TESK2: variants seen among roughly 807,000 people sequenced by gnomAD.
TESK2 encodes testis associated actin remodelling kinase 2, also known as dual specificity testis-specific protein kinase 2.
TESK2 carries 39 observed loss-of-function variants against 57.1 expected under a neutral mutation model. The ratio of observed to expected loss-of-function variants is 0.68; its 90% confidence interval spans 0.53 to 0.89. TESK2 has a LOEUF of 0.89. Among genes scored for constraint, TESK2 ranks in the 40% least tolerant of loss-of-function variants. The pLI is 0.00. For synonymous variants in TESK2, 249 were observed against 267.9 expected (o/e 0.93, Z 0.69); for missense variants, 646 against 732.1 (o/e 0.88, Z 1.36).
intron 3 of TESK2, among the ~76,000 whole-genome samples, chr1:45,414,843 T>C (rs1047025923): frequency 6.6e-6 from 1 of 152,218 alleles, no homozygotes; most frequent in Non-Finnish European, 1.5e-5. Flanking sequence ...AGCAGAAATA[T>C]AGAACATTTC....
chr1:45,403,672 G>T (rs1649722856), intron 3 of TESK2, among the ~76,000 whole-genome samples: 1 of 152,130 alleles, frequency 6.6e-6, no homozygotes, highest in Middle Eastern at 3.4e-3. Flanking sequence ...CTTTTTTGGG[G>T]TAAAGCAATA....
intron 1 of TESK2, among the ~76,000 whole-genome samples, chr1:45,475,780 A>AT (rs1457566981): frequency 1.3e-5 from 2 of 152,178 alleles, no homozygotes; most frequent in Non-Finnish European, 2.9e-5. Flanking sequence ...TGTAGCTAGA[A>AT]TAAAGCAGGC....
intron 4 of TESK2, among the ~76,000 whole-genome samples, chr1:45,375,849 A>G (rs1347245945): frequency 6.6e-6 from 1 of 152,264 alleles, no homozygotes; most frequent in Non-Finnish European, 1.5e-5. Context: ...GGTAGGAGCC[A>G]AATAAATATC....
In TESK2 at chr1:45,347,070, G is replaced by A; in HGVS notation, c.709-8C>T. On this transcript the variant is annotated splice_polypyrimidine_tract_variant and splice_region_variant and intron_variant, in intron 7 of 10. Transcript: ENST00000372086. The stretch of plus-strand genomic sequence containing the variant: ...ATAAGAGAACACATCTGCCTGGTGG[G>A]TAGTCGGACTTTGGTTTCCCTCTTA... The A allele has an allele frequency of 6.2e-7, 1 of 1,614,118 alleles. No homozygotes were observed. The highest frequency in any genetic ancestry group is 8.5e-7 in the Non-Finnish European group (1 of 1,179,946).
At chr1:45,369,560 A>G (rs576399132) in intron 4 of TESK2, among the ~76,000 whole-genome samples, 2 of 152,272 alleles carry the variant, frequency 1.3e-5, no homozygotes, top group South Asian at 2.1e-4. Context: ...CAAAAATTCT[A>G]TATAGGAGAA....
chr1:45,391,074 C>T (rs1301771886), intron 3 of TESK2, among the ~76,000 whole-genome samples: 1 of 151,978 alleles, frequency 6.6e-6, no homozygotes, highest in Non-Finnish European at 1.5e-5. Context: ...CATGCCACCA[C>T]ACCCAGCTAA....
chr1:45,394,199 G>A (rs1485057457), intron 3 of TESK2, among the ~76,000 whole-genome samples: 3 of 151,804 alleles, frequency 2.0e-5, no homozygotes, highest in Non-Finnish European at 4.4e-5. Context: ...GGAGTGCGGT[G>A]GCACAGTGCA....
At chr1:45,380,662 T>C (rs774915160) in intron 4 of TESK2, among the ~76,000 whole-genome samples, 1 of 152,202 alleles carries the variant, frequency 6.6e-6, no homozygotes, top group Non-Finnish European at 1.5e-5. Flanking sequence ...AGAGAAAGAA[T>C]AAGGTCTCTG....
intron 1 of TESK2, among the ~76,000 whole-genome samples, chr1:45,481,072 A>C (rs1653197970): frequency 6.6e-6 from 1 of 151,654 alleles, no homozygotes; most frequent in Non-Finnish European, 1.5e-5. Context: ...AAGATATATA[A>C]AGTAAATAAG....
chr1:45,380,392 T>C (rs1237890971), intron 4 of TESK2, among the ~76,000 whole-genome samples: 1 of 152,214 alleles, frequency 6.6e-6, no homozygotes, highest in Non-Finnish European at 1.5e-5. Context: ...CCCAAACTGC[T>C]TGATTTTGAC....
At chr1:45,446,239 C>G (rs1290991972) in intron 2 of TESK2, among the ~76,000 whole-genome samples, 1 of 150,456 alleles carries the variant, frequency 6.6e-6, no homozygotes, top group Non-Finnish European at 1.5e-5. Context: ...GTAGGCGGAT[C>G]ACTTGAGGCC....
chr1:45,421,722 T>G lies in TESK2; in HGVS notation c.344+3A>C. 6.2e-7 allele frequency: 1 copy of G among 1,613,974 alleles called. No individual in the cohort carries two copies. On this transcript the variant is annotated splice_donor_region_variant and intron_variant, in intron 3 of 10. Coordinates refer to ENST00000372086, the MANE Select transcript of TESK2 (RefSeq NM_007170.3). ...TTGATCAGAAGGAAGGAAAAGCCAT[T>G]ACCTAAGGATGTTGGGATGGGAGAG...
At chr1:45,349,163 A>G (rs1321401598) in intron 5 of TESK2, among the ~76,000 whole-genome samples, 1 of 150,998 alleles carries the variant, frequency 6.6e-6, no homozygotes, top group East Asian at 1.9e-4. Context: ...TCTAGTTGCT[A>G]AGACATGCCA....
intron 3 of TESK2, among the ~76,000 whole-genome samples, chr1:45,412,013 G>A (rs945458209): frequency 1.3e-5 from 2 of 152,150 alleles, no homozygotes; most frequent in Non-Finnish European, 2.9e-5. Context: ...AGAAATCAAA[G>A]CACAGAGGTT....
chr1:45,482,646 T>C (rs955609646), intron 1 of TESK2, among the ~76,000 whole-genome samples: 1 of 147,282 alleles, frequency 6.8e-6, no homozygotes, highest in Admixed American at 6.8e-5. Flanking sequence ...GGCTATGCAA[T>C]GCCAACAGCA....
intron 1 of TESK2, among the ~76,000 whole-genome samples, chr1:45,466,385 G>A (rs1570758567): frequency 6.6e-6 from 1 of 152,116 alleles, no homozygotes; most frequent in East Asian, 1.9e-4. Flanking sequence ...TGAGGCAGGA[G>A]AATTGCTTGA....
intron 2 of TESK2, among the ~76,000 whole-genome samples, chr1:45,429,321 G>A (rs547695081): frequency 2.2e-4 from 33 of 151,960 alleles, no homozygotes; most frequent in Admixed American, 1.8e-3. Flanking sequence ...GCTTGAACCC[G>A]AGAGGCAGAG....
At chr1:45,412,445 G>A (rs1477917848) in intron 3 of TESK2, among the ~76,000 whole-genome samples, 2 of 152,166 alleles carry the variant, frequency 1.3e-5, no homozygotes, top group Non-Finnish European at 2.9e-5. Flanking sequence ...CTTAATAACT[G>A]AGACTGGGAA....
rs376070354 is a variant in TESK2, at chr1:45,401,025, T to TAAAAA, written c.345-15070_345-15066dup. 5.6e-5 allele frequency among the ~76,000 whole-genome samples: 7 copies of TAAAAA among 124,178 alleles called. No individual in the cohort carries two copies. In the South Asian group the frequency reaches 1.9e-3, roughly 34 times the overall value. 81.5% of individuals were successfully genotyped at this position (124,178 alleles called of 152,430 possible). On this transcript the variant is annotated intron_variant, in intron 3 of 10. Transcript: ENST00000372086. ...TGGACAACAGAGCGAGACTCTGTCT[T>TAAAAA]AAAAAAAAAAAAAAAAAAGAAGTGA...
Sources: allele counts gnomAD v4.1 joint callset (sites outside exome capture counted in the v4.1 genomes callset), GRCh38; gene constraint gnomAD v4.1.1; transcripts MANE v1.5; gene names NCBI Gene and HGNC (gene_info 2026-07-23, HGNC 2026-07-21).